The following KANK3 variants were observed in gnomAD, a reference collection of about 807,000 sequenced individuals.
KANK3 encodes KN motif and ankyrin repeat domain-containing protein 3.
In KANK3, 61 loss-of-function variants were observed where a neutral mutation model predicts 65.4. That is an observed-to-expected ratio of 0.93 (90% confidence interval 0.76 to 1.15). The LOEUF is 1.15. KANK3 is among the 50% of genes most tolerant of loss of function. The pLI is 0.00. For synonymous variants in KANK3, 586 were observed against 543.3 expected, an observed-to-expected ratio of 1.08 and a Z score of -1.09; for missense variants, 1,187 against 1,178.8, an observed-to-expected ratio of 1.01 and a Z score of -0.10.
chr19:8,341,515 A>G (rs1568206142), intron 1 of KANK3, among the ~76,000 whole-genome samples: 1 of 152,008 alleles, frequency 6.6e-6, no homozygotes, highest in East Asian at 1.9e-4. Context: ...GGTTCAAGTG[A>G]TTCTCCTGCC....
Position 8,333,499 on chromosome 19 carries a change from C to T in KANK3, c.1719+225G>A, listed in dbSNP as rs1970567218. ...ACATGGAACGGGGAAAGGCAATGAA[C>T]GCTTGCCCTTGGGGAGTCCGGGAGT... On this transcript the variant is annotated intron_variant, in intron 6 of 10. Coordinates refer to ENST00000330915, the MANE Select transcript of KANK3 (RefSeq NM_198471.3). The surrounding 1 kb of genome is among the most constrained non-coding windows in gnomAD (Gnocchi z 5.0). Among the ~76,000 whole-genome samples, 2 of 152,138 alleles carry T rather than the reference C, an allele frequency of 1.3e-5. No homozygotes were observed. The highest frequency in any genetic ancestry group is 4.1e-4 in the South Asian group (2 of 4,826).
At chr19:8,337,449 C>T (rs1970661231) in intron 2 of KANK3, among the ~76,000 whole-genome samples, 1 of 152,112 alleles carries the variant, frequency 6.6e-6, no homozygotes, top group Non-Finnish European at 1.5e-5. Flanking sequence ...GATCTGCCCG[C>T]CTCGGCCTCC....
intron 7 of KANK3, among the ~76,000 whole-genome samples, chr19:8,327,798 CCT>C (rs1340033644): frequency 1.3e-5 from 2 of 152,096 alleles, no homozygotes; most frequent in Non-Finnish European, 2.9e-5. Context: ...GGGGACGTTC[CCT>C]GTTTGGGTGG....
At chr19:8,339,177 A>G (rs1036585523) in intron 1 of KANK3, among the ~76,000 whole-genome samples, 2 of 152,102 alleles carry the variant, frequency 1.3e-5, no homozygotes, top group Non-Finnish European at 2.9e-5. Context: ...GCTGTAAGAA[A>G]GTGAGGAAGA....
intron 7 of KANK3, 27 bp downstream of exon 7, chr19:8,332,987 T>TGTGGCC: frequency 1.0e-5 from 4 of 395,196 alleles, no homozygotes; most frequent in East Asian, 6.5e-5. Flanking sequence ...TTTCCTGGTG[T>TGTGGCC]CCCACCCACC....
chr19:8,324,121 T>G lies in KANK3; in HGVS notation c.2382+328A>C, dbSNP rs777653545. ...CAACCTCACTGGGGTTTTGCTGCTT[T>G]CACATCAAATCCCAGCCCCTGCCAG... is the stretch of plus-strand genomic sequence containing the variant. On this transcript the variant is annotated intron_variant, in intron 10 of 10. Coordinates refer to ENST00000330915, the MANE Select transcript of KANK3 (RefSeq NM_198471.3). Among the ~76,000 whole-genome samples, 123 of 152,240 alleles carry G rather than the reference T, an allele frequency of 8.1e-4. 1 individual carries two copies. Among genetic ancestry groups the G allele is most frequent in the Non-Finnish European group, 1.5e-3 (101 of 68,002 alleles).
chr19:8,335,670 C>T lies in KANK3; in HGVS notation c.157G>A (p.Glu53Lys). The T allele has an allele frequency of 2.4e-6, 3 of 1,255,366 alleles. No individual in the cohort carries two copies. The highest frequency in any genetic ancestry group is 3.0e-6 in the Non-Finnish European group (3 of 996,586). 77.8% of individuals were successfully genotyped at this position (1,255,366 alleles called of 1,614,324 possible). Residue 53 changes from glutamate (E) to lysine (K), a missense_variant, in exon 3 of 11, where the codon GAG becomes AAG. Physicochemically the swap from Glu to Lys is moderately conservative, Grantham distance 56 (BLOSUM62 1). This residue lies in a region of KANK3 where 104 missense variants were observed against 122.1 expected (regional missense o/e 0.85). Coordinates refer to ENST00000330915, the MANE Select transcript of KANK3 (RefSeq NM_198471.3). ...HLDLDFLKYI[E>K]ELERGPAARR... is the part of the protein sequence containing the mutation. ...GCAGCGGGGCCACGCTCCAGCTCCT[C>T]TATGTACTTGAGGAAGTCCAGGTCC... is the stretch of plus-strand genomic sequence containing the variant.
chr19:8,327,072 G>A (rs1054959826), intron 7 of KANK3, among the ~76,000 whole-genome samples: 1 of 152,130 alleles, frequency 6.6e-6, no homozygotes, highest in African/African-American at 2.4e-5. Flanking sequence ...TGAAGGCTCT[G>A]AGGATTGAGG....
In KANK3 at chr19:8,333,066, G is replaced by A; in HGVS notation, c.1884C>T (p.His628=). ...LADGNGNTAL[H]YSVSHGNLAI... is the part of the protein sequence containing the mutation. Reference sequence around the variant, plus strand: ...CCAGGTTCCCGTGGGACACACTGTAGTGCAGGGCCGTGTTCCCGTTGCCAT... The same window carrying A: ...CCAGGTTCCCGTGGGACACACTGTAATGCAGGGCCGTGTTCCCGTTGCCAT... Residue 628 remains histidine (H), a synonymous_variant, in exon 7 of 11, where the codon CAC becomes CAT. Coordinates refer to ENST00000330915, the MANE Select transcript of KANK3 (RefSeq NM_198471.3). The surrounding 1 kb of genome is among the most constrained non-coding windows in gnomAD (Gnocchi z 5.0). 2 of 1,555,448 alleles carry A rather than the reference G, an allele frequency of 1.3e-6. No homozygotes were observed. Among genetic ancestry groups the A allele is most frequent in the East Asian group, 2.5e-5 (1 of 40,592 alleles).
intron 1 of KANK3, among the ~76,000 whole-genome samples, chr19:8,342,107 C>T (rs4804298): frequency 0.3 from 46,060 of 152,074 alleles, 7,148 homozygotes; most frequent in Admixed American, 0.38. Context: ...GACTCTCCTG[C>T]CTCAGCATCC....
chr19:8,338,010 C>T, intron 1 of KANK3, 154 bp from the exon 2 acceptor site: 1 of 718,826 alleles, frequency 1.4e-6, no homozygotes, highest in Non-Finnish European at 1.7e-6. Context: ...CCTAAAGAAA[C>T]CTTGAAACTT....
intron 7 of KANK3, among the ~76,000 whole-genome samples, chr19:8,332,083 T>C (rs1568573896): frequency 7.2e-6 from 1 of 139,686 alleles, no homozygotes; most frequent in African/African-American, 2.7e-5. Flanking sequence ...AACCTCTGCC[T>C]CCTGGGTTCA....
Position 8,335,780 on chromosome 19 carries a change from G to A in KANK3, c.47C>T (p.Pro16Leu), listed in dbSNP as rs1970627463. The change falls in exon 3 of 11, where the codon CCC becomes CTC. Residue 16 changes from proline to leucine, a missense_variant. Coordinates refer to ENST00000330915, the MANE Select transcript of KANK3 (RefSeq NM_198471.3). ...LNQNLPDLGG[P>L]RLCPVPAAGG... The stretch of plus-strand genomic sequence containing the variant: ...GGCGGCGGGGACCGGGCACAGGCGG[G>A]GGCCGCCCAGGTCTGGAGGCACGAC... 9 of 1,237,002 alleles carry A rather than the reference G, an allele frequency of 7.3e-6. No homozygotes were observed. The highest frequency in any genetic ancestry group is 9.1e-6 in the Non-Finnish European group (9 of 988,056). 76.6% of individuals were successfully genotyped at this position (1,237,002 alleles called of 1,614,324 possible).
rs1970613324 is a variant in KANK3, at chr19:8,335,221, G to C, written c.606C>G (p.Asp202Glu). The C allele has an allele frequency of 1.6e-6, 2 of 1,226,216 alleles. No individual in the cohort carries two copies. The highest frequency in any genetic ancestry group is 1.0e-6 in the Non-Finnish European group (1 of 982,778). 76.0% of individuals were successfully genotyped at this position (1,226,216 alleles called of 1,614,324 possible). A position where few individuals can be genotyped will look rare whatever the true frequency, so the allele number is the denominator to read the frequency against. Residue 202 changes from aspartate to glutamate, a missense_variant, in exon 3 of 11, where the codon GAC (aspartate) becomes GAG (glutamate). Asp to Glu is a conservative substitution (Grantham distance 45). Around this residue, in one of 3 missense-constraint regions of KANK3, gnomAD observed 1,078 missense variants for 1,038.2 expected, o/e 1.04. Transcript: ENST00000330915. Reference sequence around the variant, plus strand: ...GCAGCTCGGGCAGCGTTCGCGCCTGGTCCTCGAGCTCGCGCAGGCGCCGCA... The same window carrying C: ...GCAGCTCGGGCAGCGTTCGCGCCTGCTCCTCGAGCTCGCGCAGGCGCCGCA... ...AALRRLRELE[D>E]QARTLPELQE...
At position 8,334,769 on chromosome 19, in the gene KANK3, C is replaced by T. The variant is rs940128120; in HGVS notation, c.1058G>A (p.Arg353His). Residue 353 changes from arginine to histidine, a missense_variant, in exon 3 of 11, where the codon CGC (arginine) becomes CAC (histidine). Physicochemically the swap from Arg to His is conservative, Grantham distance 29. Coordinates refer to ENST00000330915, the MANE Select transcript of KANK3 (RefSeq NM_198471.3). ...ALLGLPAAAE[R>H]ELELLRASLE... Reference sequence around the variant, plus strand: ...ACTGGCGCGCAGCAGCTCTAGCTCGCGCTCGGCGGCCGCAGGCAGCCCCAG... The same window carrying T: ...ACTGGCGCGCAGCAGCTCTAGCTCGTGCTCGGCGGCCGCAGGCAGCCCCAG... 31 of 1,503,286 alleles carry T rather than the reference C, an allele frequency of 2.1e-5. No individual in the cohort carries two copies. Among genetic ancestry groups the T allele is most frequent in the Middle Eastern group, 4.7e-4 (2 of 4,274 alleles). The allele number at this position is 1,503,286 out of a possible 1,614,324, so 93.1% of individuals were successfully genotyped here.
rs182999479 is a variant in KANK3 at position 8,327,197 on chromosome 19, G to A, written c.1937-2101C>T. 1.2e-3 allele frequency among the ~76,000 whole-genome samples: 179 copies of A among 152,262 alleles called. 2 individuals carry two copies. Among genetic ancestry groups the A allele is most frequent in the Non-Finnish European group, 2.1e-3 (143 of 68,024 alleles). ...GAGGGACTGAGGAGTAAAGGGTTAA[G>A]TCAAATGACAGCAAAAATGGAGGCC... On this transcript the variant is annotated intron_variant, in intron 7 of 10. Coordinates refer to ENST00000330915, the MANE Select transcript of KANK3 (RefSeq NM_198471.3).
intron 7 of KANK3, among the ~76,000 whole-genome samples, 189 bp from the exon 8 acceptor site, chr19:8,325,285 TCC>T (rs1970405697): frequency 6.9e-6 from 1 of 144,062 alleles, no homozygotes; most frequent in Admixed American, 7.0e-5. Flanking sequence ...TGAAGGACCT[TCC>T]TGTTTCATCT....
At position 8,335,108 on chromosome 19, in the gene KANK3, C is replaced by T; in HGVS notation, c.719G>A (p.Arg240His). The change falls in exon 3 of 11, where the codon CGC becomes CAC. Residue 240 changes from arginine (R) to histidine (H), a missense_variant. Physicochemically the swap from Arg to His is conservative, Grantham distance 29. Transcript: ENST00000330915. ...QPEPDGEAETRPDKLAQLRRL... is the reference protein window; with the variant it reads ...QPEPDGEAETHPDKLAQLRRL... ...CCGCAGCTGGGCGAGCTTGTCCGGG[C>T]GCGTCTCAGCCTCCCCGTCCGGCTC... is the stretch of plus-strand genomic sequence containing the variant. 7.8e-7 allele frequency: 1 copy of T among 1,285,328 alleles called. No homozygotes were observed. Among genetic ancestry groups the T allele is most frequent in the South Asian group, 2.4e-5 (1 of 41,358 alleles). 79.6% of individuals were successfully genotyped at this position (1,285,328 alleles called of 1,614,324 possible).
At chr19:8,335,865 C>A (rs2913956) in intron 2 of KANK3, 73 bp from the exon 3 acceptor site, 213,296 of 1,062,052 alleles carry the variant, frequency 0.2, 23,113 homozygotes, top group Non-Finnish European at 0.22. Flanking sequence ...ACAAACCGAG[C>A]GTGTCCCCCA....
Sources: allele counts gnomAD v4.1 joint callset (sites outside exome capture counted in the v4.1 genomes callset), GRCh38; gene constraint gnomAD v4.1.1; regional missense constraint gnomAD v4.1.1; non-coding constraint Gnocchi (gnomAD v3.1); transcripts MANE v1.5; gene names NCBI Gene and HGNC (gene_info 2026-07-23, HGNC 2026-07-21).